CACNB2: variants seen among roughly 807,000 people sequenced by gnomAD.
CACNB2 encodes the protein calcium voltage-gated channel auxiliary subunit beta 2.
A neutral mutation model predicts 73.3 loss-of-function variants in CACNB2; 42 were observed. That is an observed-to-expected ratio of 0.57 (90% CI 0.45 to 0.74). CACNB2 has a LOEUF of 0.74. Among genes scored for constraint, CACNB2 ranks in the 30% least tolerant of loss-of-function variants. The pLI is 0.00. For missense variants in CACNB2, 940 were observed against 853.0 expected (o/e 1.10, Z -1.27); for synonymous variants, 348 against 310.3 (o/e 1.12, Z -1.28).
chr10:18,390,794 T>C (rs1181004744), intron 2 of CACNB2, among the ~76,000 whole-genome samples: 1 of 152,226 alleles, frequency 6.6e-6, no homozygotes, highest in Admixed American at 6.5e-5. Context: ...ATATTTACAA[T>C]ATATTCGCAA....
intron 3 of CACNB2, among the ~76,000 whole-genome samples, chr10:18,486,687 C>T (rs978963110): frequency 6.6e-6 from 1 of 152,138 alleles, no homozygotes; most frequent in African/African-American, 2.4e-5. Flanking sequence ...CAGAAAAGAG[C>T]ATACGGCAGT....
intron 2 of CACNB2, chr10:18,260,414 A>G (rs2037482293): frequency 1.0e-6 from 1 of 985,194 alleles, no homozygotes; most frequent in East Asian, 1.1e-4. Flanking sequence ...ATGTTTATTT[A>G]ACATGCTTTA....
chr10:18,412,365 T>C (rs963414105), intron 3 of CACNB2, among the ~76,000 whole-genome samples: 7 of 152,340 alleles, frequency 4.6e-5, no homozygotes, highest in Non-Finnish European at 1.0e-4. Flanking sequence ...AGAAGAAATA[T>C]CTGCATGCCT....
intron 5 of CACNB2, among the ~76,000 whole-genome samples, chr10:18,503,616 T>C (rs1210089851): frequency 6.6e-6 from 1 of 152,178 alleles, no homozygotes; most frequent in Admixed American, 6.5e-5. Context: ...AACCACCTTA[T>C]ATGGAAACAT....
intron 2 of CACNB2, among the ~76,000 whole-genome samples, chr10:18,374,425 A>G (rs1306559689): frequency 6.6e-6 from 1 of 152,188 alleles, no homozygotes; most frequent in Non-Finnish European, 1.5e-5. Flanking sequence ...ACCAGAGGCA[A>G]TATCAAATTA....
At chr10:18,245,702 T>A (rs1487215773) in intron 2 of CACNB2, among the ~76,000 whole-genome samples, 6 of 152,042 alleles carry the variant, frequency 3.9e-5, no homozygotes, top group Non-Finnish European at 7.4e-5. Flanking sequence ...AGCCACGTGA[T>A]TACCTCTGCT....
intron 2 of CACNB2, chr10:18,238,539 C>A (rs1441813832): frequency 6.6e-6 from 1 of 152,146 alleles, no homozygotes; most frequent in Non-Finnish European, 1.5e-5. Context: ...AAGGAAAAAT[C>A]TCAATCCAAC....
At chr10:18,182,519 T>TA (rs35363073) in intron 2 of CACNB2, among the ~76,000 whole-genome samples, 76 of 145,392 alleles carry the variant, frequency 5.2e-4, no homozygotes, top group South Asian at 1.3e-3. Flanking sequence ...GGAAGAAGAT[T>TA]AAAAAAAAAA....
intron 2 of CACNB2, among the ~76,000 whole-genome samples, chr10:18,188,476 C>T (rs753302662): frequency 2.6e-5 from 4 of 152,090 alleles, no homozygotes; most frequent in Non-Finnish European, 5.9e-5. Context: ...ACATGCCTGG[C>T]TATTTTTTTA....
At chr10:18,407,021 G>C (rs2044324509) in intron 3 of CACNB2, among the ~76,000 whole-genome samples, 1 of 149,200 alleles carries the variant, frequency 6.7e-6, no homozygotes, top group Non-Finnish European at 1.5e-5. Context: ...AAATTAGCTG[G>C]TTATAGTATT....
intron 2 of CACNB2, among the ~76,000 whole-genome samples, chr10:18,172,420 C>T (rs2033306966): frequency 6.6e-6 from 1 of 152,174 alleles, no homozygotes; most frequent in African/African-American, 2.4e-5. Flanking sequence ...ATGTTTTTCT[C>T]TTCTCTTGAA....
At chr10:18,219,410 C>A (rs1434899554) in intron 2 of CACNB2, among the ~76,000 whole-genome samples, 1 of 152,158 alleles carries the variant, frequency 6.6e-6, no homozygotes, top group African/African-American at 2.4e-5. Flanking sequence ...AGACATTTGA[C>A]CTTCTGAGAA....
chr10:18,373,045 G>A (rs1319234831), intron 2 of CACNB2, among the ~76,000 whole-genome samples: 1 of 151,816 alleles, frequency 6.6e-6, no homozygotes, highest in Non-Finnish European at 1.5e-5. Flanking sequence ...GAAACTCGTG[G>A]CCTCAAGCGA....
intron 2 of CACNB2, among the ~76,000 whole-genome samples, chr10:18,369,742 A>G (rs373708499): frequency 8.5e-5 from 13 of 152,122 alleles, no homozygotes; most frequent in African/African-American, 2.7e-4. Context: ...CCCTGTCTCT[A>G]CTAAAAATAC....
chr10:18,510,423 G>C (rs143523813), intron 6 of CACNB2, among the ~76,000 whole-genome samples: 1 of 151,996 alleles, frequency 6.6e-6, no homozygotes, highest in Non-Finnish European at 1.5e-5. Context: ...CCACCTCAGC[G>C]TCCCAAGTAG....
At chr10:18,143,360 A>G (rs1054447819) in intron 1 of CACNB2, among the ~76,000 whole-genome samples, 2 of 152,244 alleles carry the variant, frequency 1.3e-5, no homozygotes, top group African/African-American at 4.8e-5. Context: ...AGATGAAAAG[A>G]TAATGGATAT....
chr10:18,204,992 AAG>A (rs1554769467), intron 2 of CACNB2, among the ~76,000 whole-genome samples: 3 of 151,622 alleles, frequency 2.0e-5, no homozygotes, highest in Non-Finnish European at 4.4e-5. Context: ...AAAAAAAAAA[AAG>A]GTCTGGCTTT....
chr10:18,261,099 A>G, intron 2 of CACNB2: 3 of 1,473,382 alleles, frequency 2.0e-6, no homozygotes, highest in Non-Finnish European at 2.7e-6. Flanking sequence ...GCATGCCTGC[A>G]GGAACGGTGG....
chr10:18,162,533 T>C (rs2032542740), intron 2 of CACNB2, among the ~76,000 whole-genome samples: 1 of 152,210 alleles, frequency 6.6e-6, no homozygotes, highest in South Asian at 2.1e-4. Context: ...CAGAATGTGT[T>C]TAAGGAGTAA....
Sources: gnomAD v4.1 joint callset for allele counts (sites outside exome capture counted in the v4.1 genomes callset) on GRCh38, gnomAD v4.1.1 for gene constraint, MANE v1.5 for transcripts, NCBI Gene and HGNC (gene_info 2026-07-23, HGNC 2026-07-21) for gene names.